SEMA6D: variants seen among roughly 807,000 people sequenced by gnomAD.
SEMA6D encodes semaphorin-6D.
SEMA6D carries 35 observed loss-of-function variants against 106.6 expected under a neutral mutation model. That is an observed-to-expected ratio of 0.33 (90% CI 0.25 to 0.44). The LOEUF is 0.44. SEMA6D is among the 20% of genes least tolerant of loss of function. SEMA6D has a pLI of 1.00. For synonymous variants in SEMA6D, 499 were observed against 487.7 expected (o/e 1.02, Z -0.31); for missense variants, 1,185 against 1,345.9 (o/e 0.88, Z 1.87).
At chr15:47,263,625 G>A (rs77260904) in intron 1 of SEMA6D, among the ~76,000 whole-genome samples, 20 of 152,044 alleles carry the variant, frequency 1.3e-4, no homozygotes, top group East Asian at 5.9e-4. Flanking sequence ...CAACCATTGC[G>A]GAAGATAGTC....
intron 3 of SEMA6D, among the ~76,000 whole-genome samples, chr15:47,485,656 G>T (rs1192966020): frequency 6.6e-6 from 1 of 152,104 alleles, no homozygotes; most frequent in Non-Finnish European, 1.5e-5. Context: ...ATGACACATT[G>T]CAAGAAAAAT....
intron 3 of SEMA6D, among the ~76,000 whole-genome samples, chr15:47,573,187 T>C (rs779007713): frequency 1.3e-5 from 2 of 151,168 alleles, no homozygotes; most frequent in African/African-American, 4.9e-5. Flanking sequence ...AAAAAAAAAA[T>C]TCAAAGTTTT....
intron 3 of SEMA6D, among the ~76,000 whole-genome samples, chr15:47,526,983 C>T (rs753938201): frequency 3.9e-5 from 6 of 152,082 alleles, no homozygotes; most frequent in Admixed American, 6.5e-5. Context: ...GTGATCTGCC[C>T]GCCTAAGCCT....
intron 1 of SEMA6D, among the ~76,000 whole-genome samples, chr15:47,370,507 T>G (rs1043153185): frequency 6.6e-6 from 1 of 151,302 alleles, no homozygotes; most frequent in African/African-American, 2.4e-5. Context: ...AGAGACAGAC[T>G]CTGTCTCAAA....
At chr15:47,552,811 T>A (rs2045752344) in intron 3 of SEMA6D, among the ~76,000 whole-genome samples, 3 of 28,134 alleles carry the variant, frequency 1.1e-4, no homozygotes, top group African/African-American at 5.2e-4. Context: ...TATAAAAATA[T>A]ATATAAATAT....
At chr15:47,218,242 C>T (rs1425220162) in intron 1 of SEMA6D, among the ~76,000 whole-genome samples, 1 of 152,100 alleles carries the variant, frequency 6.6e-6, no homozygotes, top group East Asian at 1.9e-4. Flanking sequence ...AAAGAATGCA[C>T]CATAGCTGTT....
At chr15:47,354,985 A>G (rs574396874) in intron 1 of SEMA6D, among the ~76,000 whole-genome samples, 1 of 152,340 alleles carries the variant, frequency 6.6e-6, no homozygotes, top group Middle Eastern at 3.4e-3. Context: ...TTAGGACAAG[A>G]TCTAAGAGGC....
At chr15:47,321,813 A>T (rs1407784519) in intron 1 of SEMA6D, among the ~76,000 whole-genome samples, 3 of 152,046 alleles carry the variant, frequency 2.0e-5, no homozygotes, top group African/African-American at 7.2e-5. Flanking sequence ...GTCCTGTTCT[A>T]TTGGGCTATT....
intron 1 of SEMA6D, among the ~76,000 whole-genome samples, chr15:47,303,070 T>A (rs2036084873): frequency 6.6e-6 from 1 of 152,226 alleles, no homozygotes; most frequent in Admixed American, 6.5e-5. Flanking sequence ...CTGATTTAAT[T>A]TGTCTTACTT....
intron 1 of SEMA6D, among the ~76,000 whole-genome samples, chr15:47,343,362 C>T (rs1595775722): frequency 1.3e-5 from 2 of 151,580 alleles, no homozygotes; most frequent in Admixed American, 6.6e-5. Context: ...CCCATTAACT[C>T]GTCATTTAGC....
chr15:47,490,094 G>T (rs1355720733), intron 3 of SEMA6D, among the ~76,000 whole-genome samples: 1 of 152,052 alleles, frequency 6.6e-6, no homozygotes, highest in Non-Finnish European at 1.5e-5. Flanking sequence ...TACATTTTTT[G>T]CTGTCTGTGT....
At chr15:47,375,845 C>G (rs12595639) in intron 1 of SEMA6D, among the ~76,000 whole-genome samples, 9 of 152,044 alleles carry the variant, frequency 5.9e-5, no homozygotes, top group Admixed American at 5.2e-4. Context: ...CATTTATGTT[C>G]TATTGTATTA....
At chr15:47,504,213 T>A (rs528402083) in intron 3 of SEMA6D, among the ~76,000 whole-genome samples, 21 of 152,306 alleles carry the variant, frequency 1.4e-4, no homozygotes, top group African/African-American at 4.3e-4. Flanking sequence ...TCTCTGCAAC[T>A]GCTTAGCAGA....
At chr15:47,529,819 A>G (rs1022095324) in intron 3 of SEMA6D, among the ~76,000 whole-genome samples, 2 of 152,012 alleles carry the variant, frequency 1.3e-5, no homozygotes, top group African/African-American at 4.8e-5. Context: ...CATTTTTCTT[A>G]TTTTGTAAGT....
At chr15:47,473,157 G>T (rs73388939) in intron 3 of SEMA6D, among the ~76,000 whole-genome samples, 2 of 152,140 alleles carry the variant, frequency 1.3e-5, no homozygotes, top group African/African-American at 4.8e-5. Flanking sequence ...ATGAGAGGAG[G>T]AGGCAGACAG....
chr15:47,427,760 T>C (rs906155956), intron 2 of SEMA6D, among the ~76,000 whole-genome samples: 2 of 152,134 alleles, frequency 1.3e-5, no homozygotes, highest in African/African-American at 2.4e-5. Flanking sequence ...CATGAAGCAC[T>C]CTCATTTGTG....
At chr15:47,305,492 T>TGGTTA (rs2036198290) in intron 1 of SEMA6D, among the ~76,000 whole-genome samples, 2 of 152,216 alleles carry the variant, frequency 1.3e-5, no homozygotes, top group Admixed American at 1.3e-4. Flanking sequence ...AGAAGAGCAT[T>TGGTTA]CCTTTCCTTG....
intron 1 of SEMA6D, chr15:47,730,641 T>G: frequency 1.3e-6 from 2 of 1,595,710 alleles, no homozygotes; most frequent in Non-Finnish European, 1.7e-6. Context: ...GGTCTGTACT[T>G]GTGGGCCAGC....
chr15:47,579,342 A>G (rs2076215353), intron 3 of SEMA6D, among the ~76,000 whole-genome samples: 1 of 151,882 alleles, frequency 6.6e-6, no homozygotes, highest in Non-Finnish European at 1.5e-5. Flanking sequence ...GGGTTTCTCC[A>G]TGTTAGCCAG....
Sources: allele counts gnomAD v4.1 joint callset (sites outside exome capture counted in the v4.1 genomes callset), GRCh38; gene constraint gnomAD v4.1.1; transcripts MANE v1.5; gene names NCBI Gene and HGNC (gene_info 2026-07-23, HGNC 2026-07-21).